Variants in SLC25A26 observed in about 807,000 individuals in gnomAD.
The protein encoded by SLC25A26 is mitochondrial S-adenosylmethionine carrier protein.
A neutral mutation model predicts 37.8 loss-of-function variants in SLC25A26; 36 were observed. The ratio of observed to expected loss-of-function variants is 0.95; its 90% confidence interval spans 0.73 to 1.26. SLC25A26 has a LOEUF of 1.26. Among genes scored for constraint, SLC25A26 ranks in the 50% most tolerant of loss-of-function variants. The pLI, the probability that SLC25A26 is intolerant of heterozygous loss-of-function variation, is 0.00. For synonymous variants in SLC25A26, 129 were observed against 122.5 expected (o/e 1.05, Z -0.35); for missense variants, 390 against 331.1 (o/e 1.18, Z -1.38).
rs1417828057 is a variant in SLC25A26 at position 66,208,972 on chromosome 3, G to GTATATATA, written c.-353-11769_-353-11768insATATATAT. 5.5e-4 allele frequency among the ~76,000 whole-genome samples: 42 copies of GTATATATA among 75,872 alleles called. No individual in the cohort carries two copies. In the East Asian group the frequency reaches 7.7e-3, roughly 14 times the overall value. 49.8% of individuals were successfully genotyped at this position (75,872 alleles called of 152,430 possible). On this transcript the variant is annotated intron_variant, in intron 1 of 10. Transcript: ENST00000676754. ...TATATATATATACCCATATAAAGGT[G>GTATATATA]TGTATATATATATATATTTATGTAC...
At chr3:66,211,054 T>C (rs2071278470) in intron 1 of SLC25A26, among the ~76,000 whole-genome samples, 1 of 152,224 alleles carries the variant, frequency 6.6e-6, no homozygotes, top group Non-Finnish European at 1.5e-5. Flanking sequence ...CCATGTCCTC[T>C]TGTAATTATT....
chr3:66,169,586 G>T (rs557348180), intron 1 of SLC25A26, among the ~76,000 whole-genome samples: 1 of 152,114 alleles, frequency 6.6e-6, no homozygotes, highest in African/African-American at 2.4e-5. Flanking sequence ...TGTAGGTTTC[G>T]CCCTTAGAAT....
At chr3:66,303,378 T>C (rs1576833379) in intron 5 of SLC25A26, among the ~76,000 whole-genome samples, 1 of 152,194 alleles carries the variant, frequency 6.6e-6, no homozygotes, top group Non-Finnish European at 1.5e-5. Context: ...CTGTGGCTCG[T>C]CCTCTGCTGC....
intron 1 of SLC25A26, among the ~76,000 whole-genome samples, chr3:66,221,887 A>G (rs1201340689): frequency 6.6e-6 from 1 of 151,636 alleles, no homozygotes; most frequent in African/African-American, 2.4e-5. Context: ...AATGATTTTC[A>G]TAGGGAAAAT....
At chr3:66,269,448 G>A (rs771741226) in intron 5 of SLC25A26, among the ~76,000 whole-genome samples, 1 of 152,182 alleles carries the variant, frequency 6.6e-6, no homozygotes, top group East Asian at 1.9e-4. Context: ...AGTTGATTTT[G>A]TATTCACTGG....
At chr3:66,356,192 C>T in intron 6 of SLC25A26, 1 of 424,992 alleles carries the variant, frequency 2.4e-6, no homozygotes, top group South Asian at 1.7e-5. Context: ...AAAGCCTTCT[C>T]TTCAGGCTAT....
intron 1 of SLC25A26, among the ~76,000 whole-genome samples, chr3:66,175,128 TATATATATATATACACACAC>T (rs1379781702): frequency 4.3e-5 from 4 of 92,878 alleles, no homozygotes; most frequent in African/African-American, 1.8e-4. Context: ...TATATATATA[TATATATATATATACACACAC>T]ACACACACAC....
chr3:66,197,234 C>T (rs1324162547), intron 1 of SLC25A26, among the ~76,000 whole-genome samples: 5 of 152,056 alleles, frequency 3.3e-5, no homozygotes, highest in African/African-American at 9.6e-5. Context: ...CATTGTGTAC[C>T]TGACCTTACA....
At chr3:66,359,416 A>T (rs909574143) in intron 6 of SLC25A26, among the ~76,000 whole-genome samples, 2 of 152,198 alleles carry the variant, frequency 1.3e-5, no homozygotes, top group African/African-American at 4.8e-5. Context: ...TTGATTTCTT[A>T]TCACATTCAC....
chr3:66,319,669 CA>C (rs374884584), intron 5 of SLC25A26, among the ~76,000 whole-genome samples: 92 of 116,588 alleles, frequency 7.9e-4, no homozygotes, highest in African/African-American at 2.7e-3. Context: ...GTAGACAAAA[CA>C]AAAAAAATGA....
chr3:66,291,543 C>A (rs1249759550), intron 5 of SLC25A26, among the ~76,000 whole-genome samples: 1 of 152,084 alleles, frequency 6.6e-6, no homozygotes, highest in East Asian at 1.9e-4. Flanking sequence ...ATTTATTTCT[C>A]CCTTAATTTC....
At chr3:66,156,305 A>T (rs1428681531) in intron 1 of SLC25A26, among the ~76,000 whole-genome samples, 3 of 152,230 alleles carry the variant, frequency 2.0e-5, no homozygotes, top group Non-Finnish European at 4.4e-5. Flanking sequence ...GAAGATGACA[A>T]GGATCCTGCC....
At chr3:66,261,980 T>C (rs1447707159) in intron 3 of SLC25A26, 71 bp from the exon 4 acceptor site, 4 of 845,724 alleles carry the variant, frequency 4.7e-6, no homozygotes. Flanking sequence ...CTACAATTTT[T>C]GCTTACCAAA....
At chr3:66,246,336 G>A (rs1385668941) in intron 3 of SLC25A26, among the ~76,000 whole-genome samples, 2 of 152,144 alleles carry the variant, frequency 1.3e-5, no homozygotes, top group Non-Finnish European at 2.9e-5. Context: ...ATGTTGAAGG[G>A]CAGGCTTTCC....
At chr3:66,304,321 T>A (rs1041178980) in intron 5 of SLC25A26, 15 of 411,960 alleles carry the variant, frequency 3.6e-5, no homozygotes, top group African/African-American at 3.1e-4. Flanking sequence ...CCACAATGCC[T>A]CTTGATTTAA....
At chr3:66,163,165 G>T (rs1184334700) in intron 1 of SLC25A26, among the ~76,000 whole-genome samples, 1 of 152,140 alleles carries the variant, frequency 6.6e-6, no homozygotes, top group Admixed American at 6.5e-5. Context: ...GGCATTTACT[G>T]CCATAATTAC....
intron 1 of SLC25A26, among the ~76,000 whole-genome samples, chr3:66,202,930 G>A (rs2071129118): frequency 2.0e-5 from 3 of 152,128 alleles, no homozygotes; most frequent in East Asian, 1.9e-4. Context: ...AATTTAAAAC[G>A]TAAAATTATA....
chr3:66,353,641 A>G (rs9868446), intron 6 of SLC25A26, among the ~76,000 whole-genome samples: 6,728 of 152,310 alleles, frequency 0.044, 505 homozygotes, highest in African/African-American at 0.15. Context: ...TGATTCCTTA[A>G]TGATGACATG....
intron 6 of SLC25A26, among the ~76,000 whole-genome samples, chr3:66,355,547 G>A (rs1272943134): frequency 6.6e-6 from 1 of 152,108 alleles, no homozygotes; most frequent in Non-Finnish European, 1.5e-5. Flanking sequence ...CAAGAGCTAT[G>A]GTGTGGCGGA....
Sources: gnomAD v4.1 joint callset for allele counts (sites outside exome capture counted in the v4.1 genomes callset) on GRCh38, gnomAD v4.1.1 for gene constraint, MANE v1.5 for transcripts, NCBI Gene and HGNC (gene_info 2026-07-23, HGNC 2026-07-21) for gene names.